The following SYT15 variants were observed in gnomAD, a reference collection of about 807,000 sequenced individuals.
SYT15 encodes synaptotagmin 15.
In SYT15, 4 loss-of-function variants were observed where a neutral mutation model predicts 30.1. The ratio of observed to expected loss-of-function variants is 0.13; its 90% CI spans 0.07 to 0.30. SYT15 has a LOEUF of 0.30. Among genes scored for constraint, SYT15 ranks in the 10% least tolerant of loss-of-function variants. The pLI is 1.00. For missense variants in SYT15, 49 were observed against 371.7 expected (o/e 0.13, Z 7.14); for synonymous variants, 19 against 166.3 (o/e 0.11, Z 6.82).
In SYT15 at chr10:46,586,274, C is replaced by T. The variant is rs1465070776; in HGVS notation, c.1123+497C>T. Among the ~76,000 whole-genome samples the T allele has an allele frequency of 5.5e-4, 68 of 123,500 alleles. 7 individuals are homozygous for T. Among genetic ancestry groups the T allele is most frequent in the Middle Eastern group, 4.2e-3 (1 of 240 alleles). 81.0% of individuals were successfully genotyped at this position (123,500 alleles called of 152,430 possible). A position where few individuals can be genotyped will look rare whatever the true frequency, so the allele number is the denominator to read the frequency against. ...AAAAAAAAAAAAAAAGGGCCGGGCA[C>T]GGTGGCTCACACCTGTAATCCCAGC... On this transcript the variant is annotated intron_variant, in intron 7 of 7. Coordinates refer to ENST00000374321, the MANE Select transcript of SYT15 (RefSeq NM_031912.5).
At position 46,590,775 on chromosome 10, in the gene SYT15, C is replaced by T. The variant is rs1225007685; in HGVS notation, c.*3128C>T. ...TAATGTACTCATTAACATATATTCT[C>T]AAGCTGTTAAAAAGATTTTTTTAAT... On this transcript the variant is annotated 3_prime_UTR_variant, in exon 8 of 8. Transcript: ENST00000374321. 7.6e-6 allele frequency: 1 copy of T among 131,752 alleles called. No homozygotes were observed. The highest frequency in any genetic ancestry group is 1.6e-5 in the Non-Finnish European group (1 of 62,232). The allele number at this position is 131,752 out of a possible 1,614,324, so 8.2% of individuals were successfully genotyped here. A position where few individuals can be genotyped will look rare whatever the true frequency, so the allele number is the denominator to read the frequency against.
downstream of SYT15, among the ~76,000 whole-genome samples, chr10:46,595,693 C>G (rs1448026413): frequency 7.4e-6 from 1 of 134,686 alleles, no homozygotes; most frequent in Non-Finnish European, 1.5e-5. Flanking sequence ...CTCAGGTGAT[C>G]TGCCTGTCTC....
intron 2 of SYT15, among the ~76,000 whole-genome samples, chr10:46,580,574 A>G (rs1844067270): frequency 7.6e-6 from 1 of 132,156 alleles, no homozygotes; most frequent in Non-Finnish European, 1.6e-5. Context: ...CTCAGTGCAC[A>G]TAAGCAACAG....
At chr10:46,580,789 T>C (rs2133414403) in intron 2 of SYT15, 105 bp from the exon 3 acceptor site, 1 of 636,014 alleles carries the variant, frequency 1.6e-6, no homozygotes, top group East Asian at 2.9e-5. Context: ...TGGCTCCCGA[T>C]GGCTTTTCTT....
downstream of SYT15, chr10:46,593,281 T>C (rs1845536481): frequency 6.9e-6 from 1 of 144,028 alleles, no homozygotes; most frequent in African/African-American, 2.7e-5. Context: ...TGTCTTTCAT[T>C]TGCAGCAGTT....
At chr10:46,593,076 G>A (rs1223662126), downstream of SYT15, among the ~76,000 whole-genome samples, 1 of 98,862 alleles carries the variant, frequency 1.0e-5, no homozygotes, top group Non-Finnish European at 2.0e-5. Context: ...ACTGGCTCAC[G>A]CCCGTCATCC....
downstream of SYT15, among the ~76,000 whole-genome samples, chr10:46,594,470 C>A: frequency 7.6e-6 from 1 of 130,918 alleles, no homozygotes; most frequent in East Asian, 2.1e-4. Context: ...CATAGCCTTT[C>A]TGCATAGCTT....
At chr10:46,582,340 AGGTTAAGG>A in intron 4 of SYT15, 149 bp downstream of exon 4, 1 of 570,888 alleles carries the variant, frequency 1.8e-6, no homozygotes, top group Non-Finnish European at 3.1e-6. Flanking sequence ...CTAGTCTGCT[AGGTTAAGG>A]CCTATAGGAG....
intron 7 of SYT15, among the ~76,000 whole-genome samples, chr10:46,586,446 T>G: frequency 1.2e-5 from 1 of 84,264 alleles, no homozygotes; most frequent in African/African-American, 5.8e-5. Context: ...CTTGGGAGGC[T>G]GAGGCAGGAG....
rs1424670822 is a variant in SYT15, at chr10:46,590,720, C to A, written c.*3073C>A. 2 of 141,568 alleles carry A rather than the reference C, an allele frequency of 1.4e-5. 1 individual carries two copies. Among genetic ancestry groups the A allele is most frequent in the Non-Finnish European group, 3.1e-5 (2 of 65,192 alleles). 8.8% of individuals were successfully genotyped at this position (141,568 alleles called of 1,614,324 possible). On this transcript the variant is annotated 3_prime_UTR_variant, in exon 8 of 8. Transcript: ENST00000374321. ...CATGTGGAGAGTTGTCAATATTCAC[C>A]ATGAAGTTTGATGGTTGTTATAGGA...
intron 2 of SYT15, 83 bp from the exon 3 acceptor site, chr10:46,580,811 T>G: frequency 2.6e-6 from 3 of 1,154,132 alleles, no homozygotes; most frequent in Non-Finnish European, 3.5e-6. Context: ...CTCCAGCCCC[T>G]GGTGCTCAAC....
At position 46,580,930 on chromosome 10, in the gene SYT15, TC is replaced by T. The variant is rs781911350; in HGVS notation, c.250del (p.Gln84LysfsTer85). 5.3e-5 allele frequency: 70 copies of T among 1,333,230 alleles called. 7 individuals carry two copies. Among genetic ancestry groups the T allele is most frequent in the Non-Finnish European group, 7.0e-5 (70 of 995,592 alleles). The allele number at this position is 1,333,230 out of a possible 1,614,324, so 82.6% of individuals were successfully genotyped here. On this transcript the variant is annotated frameshift_variant, in exon 3 of 8. Transcript: ENST00000374321. LOFTEE classifies it high-confidence loss of function. ...TGCCATTCGTGGTGCCCCCAACCCT[TC>T]AAGGCCGAGATTGGGTGCCCCTGCA... ...AVPFVVPPTL[Q>X]GRDWVPLHSG...
intron 6 of SYT15, among the ~76,000 whole-genome samples, chr10:46,584,853 G>C (rs1305860257): frequency 7.2e-6 from 1 of 138,120 alleles, no homozygotes; most frequent in Non-Finnish European, 1.6e-5. Flanking sequence ...TTCTAACCCA[G>C]CCGCAATACC....
intron 7 of SYT15, among the ~76,000 whole-genome samples, chr10:46,586,500 C>T (rs532455271): frequency 1.3e-4 from 12 of 93,812 alleles, no homozygotes; most frequent in East Asian, 5.9e-4. Context: ...GAGCCGAGAT[C>T]GCACCACTGC....
rs1396933086 is a variant in SYT15 at position 46,591,038 on chromosome 10, T to G, written c.*3391T>G. ...TTATTTATTTAAAATTTAGATTTATTAGAGGGAGCATGGCCATAAAATAAA... is the reference window on the plus strand; with the variant it reads ...TTATTTATTTAAAATTTAGATTTATGAGAGGGAGCATGGCCATAAAATAAA... On this transcript the variant is annotated 3_prime_UTR_variant, in exon 8 of 8. Coordinates refer to ENST00000374321, the MANE Select transcript of SYT15 (RefSeq NM_031912.5). The G allele has an allele frequency of 5.7e-5, 8 of 139,378 alleles. 1 individual carries two copies. Among genetic ancestry groups the G allele is most frequent in the African/African-American group, 2.3e-4 (8 of 35,044 alleles). 8.6% of individuals were successfully genotyped at this position (139,378 alleles called of 1,614,324 possible).
At chr10:46,594,546 G>C (rs1555045021), downstream of SYT15, among the ~76,000 whole-genome samples, 1 of 142,368 alleles carries the variant, frequency 7.0e-6, no homozygotes, top group African/African-American at 2.8e-5. Flanking sequence ...TGATATCTCG[G>C]CCCCTTCAGT....
rs1414636297 is a variant in SYT15, at chr10:46,591,843, C to A, written c.*4196C>A. The A allele has an allele frequency of 2.1e-5, 3 of 142,904 alleles. No homozygotes were observed. The highest frequency in any genetic ancestry group is 2.1e-4 in the Admixed American group (3 of 14,456). The allele number at this position is 142,904 out of a possible 1,614,324, so 8.9% of individuals were successfully genotyped here. On this transcript the variant is annotated 3_prime_UTR_variant, in exon 8 of 8. Coordinates refer to ENST00000374321, the MANE Select transcript of SYT15 (RefSeq NM_031912.5). ...AATTGACGTTTTCTGGTAGAGTGAA[C>A]CTTTATTATGTGAAATGGCTTTCTC...
intron 2 of SYT15, among the ~76,000 whole-genome samples, chr10:46,580,671 A>C: frequency 7.9e-6 from 1 of 126,980 alleles, no homozygotes; most frequent in East Asian, 2.2e-4. Flanking sequence ...CCTTCTTCAA[A>C]TCCCACTGCT....
rs1296216934 is a variant in SYT15, at chr10:46,591,005, A to G, written c.*3358A>G. 2 of 143,568 alleles carry G rather than the reference A, an allele frequency of 1.4e-5. No homozygotes were observed. The highest frequency in any genetic ancestry group is 3.9e-4 in the East Asian group (2 of 5,108). The allele number at this position is 143,568 out of a possible 1,614,324, so 8.9% of individuals were successfully genotyped here. ...GGTTTATACACATAAACACAACAAT[A>G]CTTGGACTTATTTATTTAAAATTTA... On this transcript the variant is annotated 3_prime_UTR_variant, in exon 8 of 8. Coordinates refer to ENST00000374321, the MANE Select transcript of SYT15 (RefSeq NM_031912.5).
Sources: allele counts gnomAD v4.1 joint callset (sites outside exome capture counted in the v4.1 genomes callset), GRCh38; gene constraint gnomAD v4.1.1; transcripts MANE v1.5; gene names NCBI Gene and HGNC (gene_info 2026-07-23, HGNC 2026-07-21).